The following AGBL4 variants were observed in gnomAD, a reference collection of about 807,000 sequenced individuals.
AGBL4 encodes the protein cytosolic carboxypeptidase 6.
In AGBL4, 58 loss-of-function variants were observed where a neutral mutation model predicts 66.4. The ratio of observed to expected loss-of-function variants is 0.87; its 90% CI spans 0.71 to 1.09. The LOEUF (loss-of-function observed/expected upper bound fraction) is 1.09, where lower values mean the gene tolerates loss of function less well. Among genes scored for constraint, AGBL4 ranks in the 50% least tolerant of loss-of-function variants. AGBL4 has a pLI of 0.00. For synonymous variants in AGBL4, 234 were observed against 222.9 expected, an observed-to-expected ratio of 1.05 and a Z score of -0.44; for missense variants, 579 against 631.0, an observed-to-expected ratio of 0.92 and a Z score of 0.88.
chr1:49,009,500 A>G (rs1662194690), intron 5 of AGBL4, among the ~76,000 whole-genome samples: 1 of 151,896 alleles, frequency 6.6e-6, no homozygotes, highest in Admixed American at 6.6e-5. Flanking sequence ...TCAATAGAAA[A>G]AGAGGGAATC....
Position 48,677,560 on chromosome 1 carries a change from C to T in AGBL4, c.635-14319G>A, listed in dbSNP as rs367549352. 1.4e-3 allele frequency among the ~76,000 whole-genome samples: 217 copies of T among 152,274 alleles called. 2 individuals are homozygous for T. In the South Asian group the frequency reaches 0.039, roughly 28 times the overall value. On this transcript the variant is annotated intron_variant, in intron 6 of 13. Coordinates refer to ENST00000371839, the MANE Select transcript of AGBL4 (RefSeq NM_032785.4). ...ATTGGATCCTGCCAGCCTTGCAGAACGGCTGGCACTCTGATCTCTGTCCTG... is the reference window on the plus strand; with the variant it reads ...ATTGGATCCTGCCAGCCTTGCAGAATGGCTGGCACTCTGATCTCTGTCCTG...
At chr1:48,834,973 A>G (rs1316688353) in intron 6 of AGBL4, among the ~76,000 whole-genome samples, 1 of 152,158 alleles carries the variant, frequency 6.6e-6, no homozygotes, top group African/African-American at 2.4e-5. Flanking sequence ...TTGTTCTTAT[A>G]ATTAGGCTTT....
intron 9 of AGBL4, among the ~76,000 whole-genome samples, chr1:48,603,979 C>A (rs6701420): frequency 0.14 from 20,998 of 151,658 alleles, 1,561 homozygotes; most frequent in South Asian, 0.18. Context: ...ACAACAAAAA[C>A]CAAAAATTAG....
chr1:49,416,101 C>A (rs1645421350), intron 3 of AGBL4, among the ~76,000 whole-genome samples: 1 of 151,982 alleles, frequency 6.6e-6, no homozygotes, highest in Non-Finnish European at 1.5e-5. Flanking sequence ...TGAATATAGT[C>A]TTTGTTAAGG....
intron 5 of AGBL4, among the ~76,000 whole-genome samples, chr1:48,961,256 T>C (rs570228935): frequency 2.6e-5 from 4 of 152,328 alleles, no homozygotes; most frequent in Admixed American, 1.3e-4. Context: ...AGAGGAAATA[T>C]TCTGGGCTAT....
At chr1:49,168,627 G>A (rs1369852208) in intron 4 of AGBL4, among the ~76,000 whole-genome samples, 2 of 152,100 alleles carry the variant, frequency 1.3e-5, no homozygotes, top group Non-Finnish European at 2.9e-5. Flanking sequence ...TTTTGTTTTA[G>A]GAATGACCCA....
intron 3 of AGBL4, among the ~76,000 whole-genome samples, chr1:49,492,300 T>C (rs997002687): frequency 1.3e-5 from 2 of 151,934 alleles, no homozygotes; most frequent in Non-Finnish European, 1.5e-5. Context: ...GTGTATATAG[T>C]GTGAATATGC....
intron 5 of AGBL4, among the ~76,000 whole-genome samples, chr1:48,905,476 T>C (rs1652498339): frequency 1.3e-5 from 2 of 152,186 alleles, no homozygotes; most frequent in African/African-American, 2.4e-5. Context: ...ATGGAAGAAT[T>C]AAAAAGATAA....
intron 6 of AGBL4, among the ~76,000 whole-genome samples, chr1:48,693,543 C>T (rs987313527): frequency 6.6e-6 from 1 of 152,182 alleles, no homozygotes; most frequent in African/African-American, 2.4e-5. Flanking sequence ...TCAAGGCGTG[C>T]TTTCGTGCAA....
intron 6 of AGBL4, among the ~76,000 whole-genome samples, chr1:48,732,310 T>TA (rs537810678): frequency 2.9e-4 from 44 of 152,246 alleles, no homozygotes; most frequent in African/African-American, 8.4e-4. Flanking sequence ...GGCACTTTGA[T>TA]CATAGATCAA....
chr1:49,560,559 A>G (rs1440661499), intron 3 of AGBL4, among the ~76,000 whole-genome samples: 1 of 152,180 alleles, frequency 6.6e-6, no homozygotes, highest in Non-Finnish European at 1.5e-5. Context: ...GTTTATTCAA[A>G]GAGATAATAA....
intron 1 of AGBL4, among the ~76,000 whole-genome samples, chr1:49,886,022 G>A (rs1326862681): frequency 2.5e-4 from 38 of 152,194 alleles, no homozygotes; most frequent in Admixed American, 2.4e-3. Context: ...AAAAACAGTG[G>A]CTCATTTTTC....
chr1:49,486,506 A>T (rs1014047275), intron 3 of AGBL4, among the ~76,000 whole-genome samples: 1 of 151,958 alleles, frequency 6.6e-6, no homozygotes, highest in Non-Finnish European at 1.5e-5. Flanking sequence ...CATGTTCCGT[A>T]TAAGACCTTG....
At chr1:48,856,881 T>C (rs1647172440) in intron 6 of AGBL4, among the ~76,000 whole-genome samples, 1 of 152,186 alleles carries the variant, frequency 6.6e-6, no homozygotes, top group Non-Finnish European at 1.5e-5. Flanking sequence ...ATTCTAGGCT[T>C]TCTTTATGCC....
intron 3 of AGBL4, among the ~76,000 whole-genome samples, chr1:49,544,114 G>A (rs987363688): frequency 2.6e-5 from 4 of 152,050 alleles, no homozygotes; most frequent in Admixed American, 1.3e-4. Flanking sequence ...TAAATGCCCC[G>A]TTTTCACTGT....
At chr1:49,988,055 C>T (rs1353645724) in intron 1 of AGBL4, among the ~76,000 whole-genome samples, 1 of 151,646 alleles carries the variant, frequency 6.6e-6, no homozygotes, top group Non-Finnish European at 1.5e-5. Flanking sequence ...GACTCAAAGA[C>T]AAAAAGTATA....
chr1:48,685,508 G>A (rs1646517795), intron 6 of AGBL4, among the ~76,000 whole-genome samples: 1 of 152,098 alleles, frequency 6.6e-6, no homozygotes, highest in Non-Finnish European at 1.5e-5. Context: ...GGCTCCATGT[G>A]GGCAGGCGGG....
chr1:48,597,841 GA>G (rs1645018338), intron 9 of AGBL4, among the ~76,000 whole-genome samples: 1 of 144,002 alleles, frequency 6.9e-6, no homozygotes, highest in African/African-American at 2.6e-5. Context: ...GAGAGAAAAA[GA>G]AAGGAAGGAA....
In AGBL4 at chr1:48,634,477, G is replaced by C. The variant is rs768742270; in HGVS notation, c.951+16C>G. ...AGCCATAGATCAGCAGCTGTGGAGG[G>C]CATTCAGTTACTTACTGGGTCGTTG... On this transcript the variant is annotated intron_variant, in intron 9 of 13. Transcript: ENST00000371839. 1 of 1,562,528 alleles carries C rather than the reference G, an allele frequency of 6.4e-7. No homozygotes were observed. The highest frequency in any genetic ancestry group is 1.2e-5 in the South Asian group (1 of 85,392).
Sources: gnomAD v4.1 joint callset for allele counts (sites outside exome capture counted in the v4.1 genomes callset) on GRCh38, gnomAD v4.1.1 for gene constraint, MANE v1.5 for transcripts, NCBI Gene and HGNC (gene_info 2026-07-23, HGNC 2026-07-21) for gene names.